SUN5: variants seen among roughly 807,000 people sequenced by gnomAD.
SUN5 encodes SUN domain-containing protein 5.
In SUN5, 44 loss-of-function variants were observed where a neutral mutation model predicts 53.7. The observed-to-expected ratio is 0.82, with a 90% confidence interval of 0.64 to 1.05. The LOEUF (loss-of-function observed/expected upper bound fraction) is 1.05. Among genes scored for constraint, SUN5 ranks in the 50% least tolerant of loss-of-function variants. The pLI, the probability that SUN5 is intolerant of heterozygous loss-of-function variation, is 0.00. For missense variants in SUN5, 433 were observed against 483.8 expected (o/e 0.90, Z 0.98); for synonymous variants, 166 against 179.8 (o/e 0.92, Z 0.62).
intron 3 of SUN5, among the ~76,000 whole-genome samples, chr20:33,002,030 G>A (rs191998465): frequency 6.6e-6 from 1 of 152,294 alleles, no homozygotes; most frequent in East Asian, 1.9e-4. Flanking sequence ...TGGGAGCTTG[G>A]CAAGAGCTGG....
intron 10 of SUN5, among the ~76,000 whole-genome samples, chr20:32,986,803 G>C (rs1230807858): frequency 6.6e-6 from 1 of 152,138 alleles, no homozygotes; most frequent in Admixed American, 6.5e-5. Flanking sequence ...ACTGCCCGCC[G>C]CGTCCCCCGC....
At chr20:33,004,236 G>A (rs781408260) in intron 1 of SUN5, 28 bp downstream of exon 1, 2 of 1,544,482 alleles carry the variant, frequency 1.3e-6, no homozygotes, top group East Asian at 2.4e-5. Context: ...GTAAAGGGCT[G>A]GGCAAAGGGA....
intron 1 of SUN5, among the ~76,000 whole-genome samples, chr20:33,003,777 G>A (rs541760142): frequency 6.6e-6 from 1 of 152,172 alleles, no homozygotes; most frequent in African/African-American, 2.4e-5. Flanking sequence ...ATACATTCTA[G>A]CCTGGTTATT....
intron 6 of SUN5, 115 bp downstream of exon 6, chr20:32,997,523 G>T: frequency 9.2e-7 from 1 of 1,081,456 alleles, no homozygotes; most frequent in Non-Finnish European, 1.4e-6. Flanking sequence ...TCTGGGTCAA[G>T]TCAGGAACTG....
At chr20:32,996,214 C>T (rs984987349) in intron 7 of SUN5, 110 bp downstream of exon 7, 15 of 1,129,322 alleles carry the variant, frequency 1.3e-5, no homozygotes. Flanking sequence ...AGGATTTAAA[C>T]CCAGGTTGAT....
chr20:32,997,487 T>G (rs1032360965), intron 6 of SUN5, 151 bp downstream of exon 6: 15 of 712,698 alleles, frequency 2.1e-5, no homozygotes, highest in East Asian at 1.4e-4. Context: ...TCTAGGTGGA[T>G]GGTACGATGA....
At chr20:32,991,994 G>C (rs1042561534) in intron 8 of SUN5, among the ~76,000 whole-genome samples, 1 of 152,176 alleles carries the variant, frequency 6.6e-6, no homozygotes, top group Non-Finnish European at 1.5e-5. Context: ...GGCCCTGTGT[G>C]GGTGCTGAAA....
intron 7 of SUN5, 116 bp downstream of exon 7, chr20:32,996,208 T>C (rs1214408505): frequency 5.6e-6 from 6 of 1,071,066 alleles, no homozygotes; most frequent in Non-Finnish European, 8.2e-6. Flanking sequence ...GGAGTTAGGA[T>C]TTAAACCCAG....
In SUN5 at chr20:33,002,573, C is replaced by T. The variant is rs555434899; in HGVS notation, c.211+14G>A. The T allele has an allele frequency of 4.3e-5, 69 of 1,613,884 alleles. 1 individual carries two copies. In the South Asian group the frequency reaches 6.8e-4, roughly 16 times the overall value. On this transcript the variant is annotated intron_variant, in intron 3 of 12. Transcript: ENST00000356173. ...CATATTGATGACGAAGGTGATTATT[C>T]AGTATATACGTACACACACATCCCA...
rs1314323664 is a variant in SUN5, at chr20:33,001,558, CTTTCTTTT to C, written c.212-288_212-281del. On this transcript the variant is annotated intron_variant, in intron 3 of 12. Coordinates refer to ENST00000356173, the MANE Select transcript of SUN5 (RefSeq NM_080675.4). ...TCTTTCTTTCTTTCTTTCTTTCTTT[CTTTCTTTT>C]CTTCCTTCCTTCCTTTCTTTCTTTT... Among the ~76,000 whole-genome samples the C allele has an allele frequency of 3.7e-4, 51 of 137,500 alleles. 1 individual carries two copies. Among genetic ancestry groups the C allele is most frequent in the African/African-American group, 1.6e-3 (48 of 29,998 alleles). The allele number at this position is 137,500 out of a possible 152,430, so 90.2% of individuals were successfully genotyped here.
rs755534669 is a variant in SUN5, at chr20:33,002,896, G to A, written c.101C>T (p.Thr34Ile). Residue 34 changes from threonine to isoleucine, a missense_variant, in exon 2 of 13, where the codon ACC becomes ATC. Transcript: ENST00000356173. ...GGAGGTGTCCTCTGCCATCCTGCTG[G>A]TGTTCCGGCCTCGCTGGGCAATCCT... The part of the protein sequence containing the change: ...PRRIAQRGRN[T>I]SRMAEDTSPN... 27 of 1,614,036 alleles carry A rather than the reference G, an allele frequency of 1.7e-5. No individual in the cohort carries two copies. The South Asian group carries it at 3.0e-4, about 18-fold the overall frequency.
chr20:32,996,982 C>A (rs1989868867), intron 6 of SUN5, among the ~76,000 whole-genome samples: 1 of 152,184 alleles, frequency 6.6e-6, no homozygotes, highest in Non-Finnish European at 1.5e-5. Context: ...GGACCTGGCT[C>A]CTTCCTTCAA....
At position 33,002,656 on chromosome 20, in the gene SUN5, T is replaced by C; in HGVS notation, c.142A>G (p.Asn48Asp). Residue 48 changes from asparagine (N) to aspartate (D), a missense_variant, in exon 3 of 13, where the codon AAC becomes GAC. Physicochemically the swap from Asn to Asp is conservative, Grantham distance 23 (BLOSUM62 1). Coordinates refer to ENST00000356173, the MANE Select transcript of SUN5 (RefSeq NM_080675.4). The part of the protein sequence containing the change: ...AEDTSPNMND[N>D]ILLPVRNNDQ... ...TTGTTGCGGACAGGCAACAGGATGTTGTCATCTGCAGAGAGCACAGGACTG... is the reference window on the plus strand; with the variant it reads ...TTGTTGCGGACAGGCAACAGGATGTCGTCATCTGCAGAGAGCACAGGACTG... 1 of 1,614,250 alleles carries C rather than the reference T, an allele frequency of 6.2e-7. No individual in the cohort carries two copies. Among genetic ancestry groups the C allele is most frequent in the Non-Finnish European group, 8.5e-7 (1 of 1,180,048 alleles).
At chr20:32,987,573 C>A (rs1313305159) in intron 10 of SUN5, 87 bp downstream of exon 10, 1 of 1,076,048 alleles carries the variant, frequency 9.3e-7, no homozygotes, top group Non-Finnish European at 1.3e-6. Context: ...TTTGCTCCCA[C>A]CCCCTACCTC....
chr20:32,985,046 C>G, intron 12 of SUN5, 53 bp downstream of exon 12: 1 of 1,582,914 alleles, frequency 6.3e-7, no homozygotes, highest in Non-Finnish European at 8.7e-7. Context: ...TGGGTACAGA[C>G]TGCACACTGT....
rs765394185 is a variant in SUN5 at position 32,983,879 on chromosome 20, G to A, written c.1055C>T (p.Thr352Ile). The change falls in exon 13 of 13, where the codon ACT becomes ATT. Residue 352 changes from threonine (T) to isoleucine (I), a missense_variant. Coordinates refer to ENST00000356173, the MANE Select transcript of SUN5 (RefSeq NM_080675.4). ...ISSNWGNPGF[T>I]CLYRVRVHGS... ...ATGCACTCGCACGCGGTACAGGCAA[G>A]TGAAGCCTGGGTTCCCCCAGTTGCT... 1.0e-5 allele frequency: 16 copies of A among 1,601,018 alleles called. No homozygotes were observed. The highest frequency in any genetic ancestry group is 1.2e-5 in the Non-Finnish European group (14 of 1,173,800).
Position 32,985,861 on chromosome 20 carries a change from G to C in SUN5, c.772C>G (p.Arg258Gly). 2 of 1,614,044 alleles carry C rather than the reference G, an allele frequency of 1.2e-6. No individual in the cohort carries two copies. The highest frequency in any genetic ancestry group is 1.7e-6 in the Non-Finnish European group (2 of 1,179,946). ...GCCAATTGGATGGTCACCTGGCCGC[G>C]GTCACCCTCAAAGGCCCAGCAATTG... ...PGNCWAFEGD[R>G]GQVTIQLAQK... Residue 258 changes from arginine (R) to glycine (G), a missense_variant, in exon 11 of 13, where the codon CGC becomes GGC. Arg to Gly is a moderately radical substitution (Grantham distance 125). Coordinates refer to ENST00000356173, the MANE Select transcript of SUN5 (RefSeq NM_080675.4).
At chr20:32,988,049 C>G (rs1391179561) in intron 9 of SUN5, among the ~76,000 whole-genome samples, 1 of 152,074 alleles carries the variant, frequency 6.6e-6, no homozygotes, top group Non-Finnish European at 1.5e-5. Context: ...CCTCTGCCTC[C>G]CAGGTTAAAG....
At chr20:32,987,917 A>T in intron 9 of SUN5, 142 bp from the exon 10 acceptor site, 2 of 613,552 alleles carry the variant, frequency 3.3e-6, no homozygotes, top group South Asian at 4.1e-5. Context: ...ATGTGATTAC[A>T]GCCATGTTAA....
Sources: allele counts gnomAD v4.1 joint callset (sites outside exome capture counted in the v4.1 genomes callset), GRCh38; gene constraint gnomAD v4.1.1; transcripts MANE v1.5; gene names NCBI Gene and HGNC (gene_info 2026-07-23, HGNC 2026-07-21).